COLEC11: variants seen among roughly 807,000 people sequenced by gnomAD.
COLEC11 encodes the protein collectin subfamily member 11.
In COLEC11, 20 loss-of-function variants were observed where a neutral mutation model predicts 27.3. The observed-to-expected ratio is 0.73, with a 90% CI of 0.51 to 1.06. COLEC11 has a LOEUF of 1.06. Ranked by LOEUF, COLEC11 falls within the 50% of genes least tolerant of loss-of-function variation. The probability of loss-of-function intolerance (pLI) is 0.00; values close to 1 mark genes in which losing one functional copy is unlikely to be tolerated. For synonymous variants in COLEC11, 163 were observed against 154.7 expected (o/e 1.05, Z -0.40); for missense variants, 310 against 383.0 (o/e 0.81, Z 1.59).
intron 3 of COLEC11, among the ~76,000 whole-genome samples, chr2:3,625,397 G>A (rs1347169359): frequency 6.6e-6 from 1 of 152,066 alleles, no homozygotes; most frequent in East Asian, 1.9e-4. Flanking sequence ...GGTGGGTGGG[G>A]GGCCATGGAC....
At chr2:3,637,765 G>A (rs527641049) in intron 4 of COLEC11, among the ~76,000 whole-genome samples, 161 bp downstream of exon 4, 2 of 152,168 alleles carry the variant, frequency 1.3e-5, no homozygotes, top group Non-Finnish European at 2.9e-5. Context: ...CATTTTTGGG[G>A]TGCTTGGAGC....
At chr2:3,600,106 G>A (rs528177597) in intron 1 of COLEC11, among the ~76,000 whole-genome samples, 1 of 152,068 alleles carries the variant, frequency 6.6e-6, no homozygotes, top group East Asian at 1.9e-4. Flanking sequence ...GTGGTGGCGG[G>A]CAGCTGTAGT....
Position 3,643,526 on chromosome 2 carries a change from G to A in COLEC11, c.411G>A (p.Lys137=). ...TCTCTCAGCTGACCAGCGAGCTCAAGTTCATCAAGAATGGTATGTGGCTCC... is the reference window on the plus strand; with the variant it reads ...TCTCTCAGCTGACCAGCGAGCTCAAATTCATCAAGAATGGTATGTGGCTCC... ...NQVSQLTSEL[K]FIKNAVAGVR... Residue 137 remains lysine, a synonymous_variant, in exon 6 of 7, where the codon AAG becomes AAA. Coordinates refer to ENST00000349077, the MANE Select transcript of COLEC11 (RefSeq NM_024027.5). The A allele has an allele frequency of 6.2e-7, 1 of 1,613,828 alleles. No homozygotes were observed. The highest frequency in any genetic ancestry group is 8.5e-7 in the Non-Finnish European group (1 of 1,179,960).
intron 4 of COLEC11, among the ~76,000 whole-genome samples, 181 bp downstream of exon 4, chr2:3,637,785 G>C (rs1247707716): frequency 6.6e-6 from 1 of 152,170 alleles, no homozygotes; most frequent in Non-Finnish European, 1.5e-5. Flanking sequence ...CTAGTTGCTG[G>C]CTCTGTGCTT....
chr2:3,617,072 T>G lies in COLEC11; in HGVS notation c.202+3690T>G, dbSNP rs546940149. Among the ~76,000 whole-genome samples the G allele has an allele frequency of 2.1e-3, 317 of 152,298 alleles. 2 individuals carry two copies. The highest frequency in any genetic ancestry group is 7.2e-3 in the African/African-American group (301 of 41,572). On this transcript the variant is annotated intron_variant, in intron 3 of 6. Transcript: ENST00000349077. ...TCTTCAAGATCCGATTTCATTCCTTTGGCTATGGACCCAGTAGTGACATTG... is the reference window on the plus strand; with the variant it reads ...TCTTCAAGATCCGATTTCATTCCTTGGGCTATGGACCCAGTAGTGACATTG...
rs1446585814 is a variant in COLEC11, at chr2:3,616,196, C to T, written c.202+2814C>T. On this transcript the variant is annotated intron_variant, in intron 3 of 6. Coordinates refer to ENST00000349077, the MANE Select transcript of COLEC11 (RefSeq NM_024027.5). ...GCAGAGGCGCTCCCCACATCTCAGA[C>T]GATGGGCGGCCGGGCAGAGACGCTC... is the stretch of plus-strand genomic sequence containing the variant. Among the ~76,000 whole-genome samples, 775 of 139,900 alleles carry T rather than the reference C, an allele frequency of 5.5e-3. 8 individuals carry two copies. Among genetic ancestry groups the T allele is most frequent in the African/African-American group, 0.021 (719 of 34,184 alleles). The allele number at this position is 139,900 out of a possible 152,430, so 91.8% of individuals were successfully genotyped here. A position where few individuals can be genotyped will look rare whatever the true frequency, so the allele number is the denominator to read the frequency against.
chr2:3,616,535 T>C (rs1191809838), intron 3 of COLEC11, among the ~76,000 whole-genome samples: 2 of 152,222 alleles, frequency 1.3e-5, no homozygotes, highest in Non-Finnish European at 2.9e-5. Context: ...GGCTGGCAGA[T>C]CACTCCCGGT....
intron 3 of COLEC11, among the ~76,000 whole-genome samples, chr2:3,614,896 G>A (rs956878398): frequency 1.6e-4 from 24 of 152,252 alleles, no homozygotes; most frequent in Middle Eastern, 3.4e-3. Context: ...TTAGGAATCC[G>A]AATAACATCA....
At chr2:3,601,523 G>A (rs1662218553) in intron 1 of COLEC11, among the ~76,000 whole-genome samples, 1 of 152,112 alleles carries the variant, frequency 6.6e-6, no homozygotes, top group Non-Finnish European at 1.5e-5. Context: ...CAAACTCCTG[G>A]ACTCAAGCAA....
At chr2:3,632,318 C>T (rs907362519) in intron 3 of COLEC11, among the ~76,000 whole-genome samples, 7 of 152,162 alleles carry the variant, frequency 4.6e-5, no homozygotes, top group Non-Finnish European at 8.8e-5. Flanking sequence ...TCTTCTGGAG[C>T]AGAGGGCAGT....
intron 1 of COLEC11, among the ~76,000 whole-genome samples, chr2:3,601,214 G>C (rs1050462295): frequency 1.4e-4 from 22 of 152,358 alleles, no homozygotes; most frequent in African/African-American, 5.1e-4. Flanking sequence ...CGTGGACAGG[G>C]TGGTGTGCGG....
intron 3 of COLEC11, among the ~76,000 whole-genome samples, chr2:3,630,022 T>G (rs1052904122): frequency 6.6e-6 from 1 of 151,888 alleles, no homozygotes; most frequent in African/African-American, 2.4e-5. Flanking sequence ...CATATGTGTA[T>G]GTATGTGTGT....
intron 3 of COLEC11, among the ~76,000 whole-genome samples, chr2:3,619,086 T>C (rs1226372203): frequency 1.3e-5 from 2 of 152,216 alleles, no homozygotes; most frequent in Non-Finnish European, 2.9e-5. Flanking sequence ...GTTTTATTTA[T>C]ATAAGATTAT....
intron 3 of COLEC11, among the ~76,000 whole-genome samples, chr2:3,614,474 C>T (rs1240069252): frequency 3.9e-5 from 6 of 152,116 alleles, no homozygotes; most frequent in African/African-American, 1.2e-4. Context: ...GATTACCGTG[C>T]AATCAGTTTT....
intron 2 of COLEC11, among the ~76,000 whole-genome samples, chr2:3,606,578 C>T (rs1476283772): frequency 6.6e-6 from 1 of 152,148 alleles, no homozygotes; most frequent in Non-Finnish European, 1.5e-5. Flanking sequence ...CACACAGTGA[C>T]CGGGGACCCA....
chr2:3,612,712 A>AG (rs901891601), intron 2 of COLEC11, among the ~76,000 whole-genome samples: 8 of 152,010 alleles, frequency 5.3e-5, no homozygotes, highest in Non-Finnish European at 1.2e-4. Context: ...TGTGCCTTGT[A>AG]GGGTGTCTCC....
intron 2 of COLEC11, among the ~76,000 whole-genome samples, chr2:3,609,263 C>T (rs770015452): frequency 3.3e-4 from 49 of 149,674 alleles, no homozygotes; most frequent in Middle Eastern, 3.5e-3. Flanking sequence ...GCTTTAGTAA[C>T]GAGAGTTTGT....
At chr2:3,609,403 T>G (rs1464374726) in intron 2 of COLEC11, among the ~76,000 whole-genome samples, 2 of 135,226 alleles carry the variant, frequency 1.5e-5, no homozygotes, top group Non-Finnish European at 3.1e-5. Flanking sequence ...AGGATCTTGC[T>G]CTGTCACTCA....
chr2:3,634,156 C>T (rs750091645), intron 3 of COLEC11, among the ~76,000 whole-genome samples: 4 of 152,134 alleles, frequency 2.6e-5, no homozygotes, highest in Non-Finnish European at 4.4e-5. Context: ...CAGGAGGTGA[C>T]GGTGCTCAGG....
Sources: allele counts gnomAD v4.1 joint callset (sites outside exome capture counted in the v4.1 genomes callset), GRCh38; gene constraint gnomAD v4.1.1; transcripts MANE v1.5; gene names NCBI Gene and HGNC (gene_info 2026-07-23, HGNC 2026-07-21).